RIMS2: variants seen among roughly 807,000 people sequenced by gnomAD.
RIMS2 encodes regulating synaptic membrane exocytosis protein 2.
In RIMS2, 59 loss-of-function variants were observed where a neutral mutation model predicts 174.4. The ratio of observed to expected loss-of-function variants is 0.34; its 90% CI spans 0.27 to 0.42. The LOEUF (loss-of-function observed/expected upper bound fraction) is 0.42. Among genes scored for constraint, RIMS2 ranks in the 10% least tolerant of loss-of-function variants. The probability of loss-of-function intolerance (pLI) is 1.00; values close to 1 mark genes in which losing one functional copy is unlikely to be tolerated. For missense variants in RIMS2, 1,620 were observed against 1,666.3 expected (o/e 0.97, Z 0.48); for synonymous variants, 606 against 572.5 (o/e 1.06, Z -0.84).
intron 3 of RIMS2, among the ~76,000 whole-genome samples, chr8:103,870,150 T>C (rs1215050454): frequency 1.1e-4 from 15 of 134,636 alleles, no homozygotes; most frequent in Non-Finnish European, 1.6e-4. Context: ...TTTTTTTTTT[T>C]CCACTAGTTT....
chr8:103,507,490 A>G (rs1824243022), intron 1 of RIMS2, among the ~76,000 whole-genome samples: 3 of 152,106 alleles, frequency 2.0e-5, no homozygotes, highest in Admixed American at 2.0e-4. Context: ...CACATTGGGA[A>G]TGAAATATTA....
At chr8:103,983,467 T>G (rs1163841498) in intron 16 of RIMS2, among the ~76,000 whole-genome samples, 1 of 152,160 alleles carries the variant, frequency 6.6e-6, no homozygotes, top group Non-Finnish European at 1.5e-5. Flanking sequence ...AGAACAAAAC[T>G]GAAGGAATCA....
chr8:103,673,526 C>T (rs2096771868), intron 1 of RIMS2, among the ~76,000 whole-genome samples: 1 of 152,208 alleles, frequency 6.6e-6, no homozygotes, highest in Non-Finnish European at 1.5e-5. Flanking sequence ...AGACTCATGG[C>T]TTGCATTCTT....
rs533395986 is a variant in RIMS2 at position 103,789,961 on chromosome 8, T to C, written c.698+23424T>C. 1.1e-4 allele frequency among the ~76,000 whole-genome samples: 17 copies of C among 152,200 alleles called. No individual in the cohort carries two copies. The South Asian group carries it at 3.5e-3, about 32-fold the overall frequency. On this transcript the variant is annotated intron_variant, in intron 3 of 23. Transcript: ENST00000504942. Reference sequence around the variant, plus strand: ...ACTCTTAGTAGAGATGGCATCTCTCTAGCCTGTTTAGGCCGATCTCAAACT... The same window carrying C: ...ACTCTTAGTAGAGATGGCATCTCTCCAGCCTGTTTAGGCCGATCTCAAACT...
At chr8:104,124,332 A>G (rs1354325564) in intron 19 of RIMS2, among the ~76,000 whole-genome samples, 1 of 152,156 alleles carries the variant, frequency 6.6e-6, no homozygotes, top group Non-Finnish European at 1.5e-5. Flanking sequence ...ACTTAGAAAT[A>G]TAACCATAAA....
At chr8:104,214,928 T>C (rs982551068) in intron 19 of RIMS2, among the ~76,000 whole-genome samples, 1 of 152,222 alleles carries the variant, frequency 6.6e-6, no homozygotes, top group African/African-American at 2.4e-5. Flanking sequence ...CCTGGATCTG[T>C]ATAACATGAA....
intron 19 of RIMS2, among the ~76,000 whole-genome samples, chr8:104,106,028 ACT>A (rs1336155264): frequency 8.5e-6 from 1 of 117,110 alleles, no homozygotes; most frequent in Non-Finnish European, 1.7e-5. Context: ...GACAGAGAAG[ACT>A]CTGCCACAAA....
chr8:104,200,847 G>A (rs1030603400), intron 19 of RIMS2, among the ~76,000 whole-genome samples: 1 of 152,166 alleles, frequency 6.6e-6, no homozygotes, highest in African/African-American at 2.4e-5. Flanking sequence ...CCAGGAGGTC[G>A]AGGCTGCAGT....
At chr8:103,627,092 A>G (rs2095804005) in intron 1 of RIMS2, among the ~76,000 whole-genome samples, 1 of 152,114 alleles carries the variant, frequency 6.6e-6, no homozygotes, top group Admixed American at 6.5e-5. Context: ...CCTTATCTCA[A>G]CTGCATAAGA....
At chr8:104,230,070 G>A (rs1398315032) in intron 19 of RIMS2, among the ~76,000 whole-genome samples, 1 of 151,522 alleles carries the variant, frequency 6.6e-6, no homozygotes, top group Non-Finnish European at 1.5e-5. Context: ...ACCTGAGGTC[G>A]GGAGTTCAAG....
chr8:104,135,141 G>A (rs1171976610), intron 19 of RIMS2, among the ~76,000 whole-genome samples: 2 of 152,178 alleles, frequency 1.3e-5, no homozygotes, highest in African/African-American at 4.8e-5. Context: ...GTAAGGAGAA[G>A]TCTGCAGAGA....
intron 3 of RIMS2, among the ~76,000 whole-genome samples, chr8:103,851,117 C>T (rs1186065597): frequency 5.9e-5 from 9 of 151,852 alleles, no homozygotes; most frequent in Admixed American, 5.9e-4. Flanking sequence ...TAGAGAACAA[C>T]TATTAATATT....
At chr8:104,194,933 T>C (rs1366451995) in intron 19 of RIMS2, among the ~76,000 whole-genome samples, 1 of 152,196 alleles carries the variant, frequency 6.6e-6, no homozygotes, top group Non-Finnish European at 1.5e-5. Context: ...AATTCAGTAT[T>C]ACTGAAGCTT....
At chr8:103,853,842 C>T (rs969647672) in intron 3 of RIMS2, among the ~76,000 whole-genome samples, 42 of 151,986 alleles carry the variant, frequency 2.8e-4, no homozygotes, top group Middle Eastern at 3.2e-3. Flanking sequence ...GTTCTTTTTG[C>T]TTAGGATGGC....
At chr8:103,812,170 GA>G (rs1294983855) in intron 3 of RIMS2, among the ~76,000 whole-genome samples, 1 of 151,934 alleles carries the variant, frequency 6.6e-6, no homozygotes, top group Non-Finnish European at 1.5e-5. Context: ...ACTGTTTTCT[GA>G]TTTTTATCTC....
rs187197746 is a variant in RIMS2, at chr8:103,735,864, T to C, written c.388-30363T>C. On this transcript the variant is annotated intron_variant, in intron 2 of 23. Transcript: ENST00000504942. ...CCTTGTGCATTCTTTTGTCAGTAGA[T>C]GAACTTTTTCTAGTTTATCTTTTCA... Among the ~76,000 whole-genome samples, 34 of 152,310 alleles carry C rather than the reference T, an allele frequency of 2.2e-4. No individual in the cohort carries two copies. In the East Asian group the frequency reaches 4.4e-3, roughly 20 times the overall value.
intron 1 of RIMS2, among the ~76,000 whole-genome samples, chr8:103,596,281 A>G (rs957426029): frequency 6.6e-6 from 1 of 152,104 alleles, no homozygotes; most frequent in Non-Finnish European, 1.5e-5. Context: ...TTTAACCATA[A>G]ATAATACTTT....
intron 1 of RIMS2, among the ~76,000 whole-genome samples, chr8:103,555,759 T>TCCTG (rs916387739): frequency 1.4e-5 from 2 of 147,570 alleles, no homozygotes; most frequent in African/African-American, 5.1e-5. Context: ...TGTGCCCCTG[T>TCCTG]CCTGCAGCCT....
At chr8:103,932,867 A>G (rs538790296) in intron 12 of RIMS2, among the ~76,000 whole-genome samples, 37 of 152,110 alleles carry the variant, frequency 2.4e-4, no homozygotes, top group Non-Finnish European at 4.3e-4. Flanking sequence ...ATGTGACCCT[A>G]TCTCTATGGC....
Sources: allele counts gnomAD v4.1 joint callset (sites outside exome capture counted in the v4.1 genomes callset), GRCh38; gene constraint gnomAD v4.1.1; transcripts MANE v1.5; gene names NCBI Gene and HGNC (gene_info 2026-07-23, HGNC 2026-07-21).